Variants in SNX29 observed in about 807,000 individuals in gnomAD.
The protein encoded by SNX29 is sorting nexin-29.
In SNX29, 78 loss-of-function variants were observed where a neutral mutation model predicts 102.1. The ratio of observed to expected loss-of-function variants is 0.76; its 90% confidence interval spans 0.64 to 0.92. The LOEUF is 0.92. Ranked by LOEUF, SNX29 falls within the 40% of genes least tolerant of loss-of-function variation. The pLI is 0.00. For missense variants in SNX29, 1,280 were observed against 1,061.7 expected, an observed-to-expected ratio of 1.21 and a Z score of -2.86; for synonymous variants, 580 against 414.5, an observed-to-expected ratio of 1.40 and a Z score of -4.85.
chr16:12,268,050 G>C (rs781591424), intron 14 of SNX29, among the ~76,000 whole-genome samples: 20 of 152,168 alleles, frequency 1.3e-4, no homozygotes, highest in Non-Finnish European at 1.9e-4. Flanking sequence ...CTGCAGGGCT[G>C]TGCGGAGCTC....
At chr16:12,299,708 C>T (rs915964979) in intron 15 of SNX29, among the ~76,000 whole-genome samples, 1 of 151,822 alleles carries the variant, frequency 6.6e-6, no homozygotes, top group African/African-American at 2.4e-5. Flanking sequence ...CCTCCCTTTC[C>T]CCCACCCCAT....
intron 20 of SNX29, among the ~76,000 whole-genome samples, chr16:12,535,156 T>A (rs1378971340): frequency 6.6e-6 from 1 of 152,220 alleles, no homozygotes; most frequent in African/African-American, 2.4e-5. Context: ...TTCATTTCTT[T>A]GAGACAGAGT....
At chr16:12,361,210 T>C (rs1338000764) in intron 16 of SNX29, among the ~76,000 whole-genome samples, 8 of 152,204 alleles carry the variant, frequency 5.3e-5, no homozygotes, top group Admixed American at 2.0e-4. Flanking sequence ...CCAGCCTCTC[T>C]GTTGTCCCTG....
chr16:12,175,236 G>C (rs2076233657), intron 13 of SNX29, among the ~76,000 whole-genome samples: 1 of 152,156 alleles, frequency 6.6e-6, no homozygotes, highest in African/African-American at 2.4e-5. Context: ...CTTGGTCATG[G>C]AGTGAATTAT....
intron 18 of SNX29, among the ~76,000 whole-genome samples, chr16:12,437,050 C>A (rs1397751752): frequency 6.6e-6 from 1 of 152,210 alleles, no homozygotes; most frequent in African/African-American, 2.4e-5. Context: ...AGTAGCAAAC[C>A]TGAGATTCTG....
At position 12,450,123 on chromosome 16, in the gene SNX29, G is replaced by A. The variant is rs545281746; in HGVS notation, c.2038-27596G>A. Among the ~76,000 whole-genome samples the A allele has an allele frequency of 2.0e-5, 3 of 152,278 alleles. No homozygotes were observed. The South Asian group carries it at 6.2e-4, about 32-fold the overall frequency. ...TAAGAGGTGGCTTTGCTCTTCCTTT[G>A]TCTTCTGCCATGATTCTGAGGCCTC... On this transcript the variant is annotated intron_variant, in intron 18 of 20. Transcript: ENST00000566228.
chr16:12,317,302 G>C (rs949047793), intron 15 of SNX29, among the ~76,000 whole-genome samples: 10 of 152,208 alleles, frequency 6.6e-5, no homozygotes, highest in Admixed American at 5.9e-4. Context: ...AGATGCGCAG[G>C]ACTCAGTCTG....
rs529869065 is a variant in SNX29 at position 12,201,272 on chromosome 16, A to G, written c.1678+1589A>G. The stretch of plus-strand genomic sequence containing the variant: ...CATCTCATTATACAGAATTATTTAT[A>G]TGTTGGTCTCCCAAGTTTTTACATC... On this transcript the variant is annotated intron_variant, in intron 14 of 20. Transcript: ENST00000566228. Among the ~76,000 whole-genome samples the G allele has an allele frequency of 5.3e-5, 8 of 152,272 alleles. No individual in the cohort carries two copies. The South Asian group carries it at 1.7e-3, about 32-fold the overall frequency.
At chr16:12,221,590 G>A (rs2077479323) in intron 14 of SNX29, among the ~76,000 whole-genome samples, 1 of 152,168 alleles carries the variant, frequency 6.6e-6, no homozygotes, top group South Asian at 2.1e-4. Flanking sequence ...CACCAGCCTG[G>A]GCAACAGAGC....
chr16:12,257,299 T>C (rs999828075), intron 14 of SNX29, among the ~76,000 whole-genome samples: 32 of 152,284 alleles, frequency 2.1e-4, no homozygotes, highest in African/African-American at 6.5e-4. Context: ...ATCCCTCTCT[T>C]CTGCTTTCGA....
chr16:12,553,180 C>G (rs1432088279), intron 20 of SNX29, among the ~76,000 whole-genome samples: 1 of 152,166 alleles, frequency 6.6e-6, no homozygotes, highest in Non-Finnish European at 1.5e-5. Flanking sequence ...ATCTTTAAGT[C>G]AGTATACAGC....
In SNX29 at chr16:12,042,867, G is replaced by A. The variant is rs757780707; in HGVS notation, c.248-30G>A. The A allele has an allele frequency of 1.7e-5, 27 of 1,579,802 alleles. No individual in the cohort carries two copies. The South Asian group carries it at 2.4e-4, about 14-fold the overall frequency. On this transcript the variant is annotated intron_variant, in intron 4 of 20. Transcript: ENST00000566228. ...CCCAGTGCTGAGTGCCCCAGGCCGA[G>A]TGCCAGGCGCCTGTGCCCTCTCTCC...
intron 1 of SNX29, among the ~76,000 whole-genome samples, chr16:11,984,066 G>C: frequency 6.6e-6 from 1 of 152,294 alleles, no homozygotes; most frequent in South Asian, 2.1e-4. Flanking sequence ...GAATGAAAAA[G>C]ATTGAGCTGG....
chr16:12,310,777 C>T (rs1285221104), intron 15 of SNX29, among the ~76,000 whole-genome samples: 1 of 152,096 alleles, frequency 6.6e-6, no homozygotes, highest in Non-Finnish European at 1.5e-5. Context: ...ACTCTGCTGT[C>T]TGCTGGTTAA....
chr16:12,120,314 G>C (rs1641855), intron 11 of SNX29, among the ~76,000 whole-genome samples: 102,954 of 152,104 alleles, frequency 0.68, 35,908 homozygotes, highest in East Asian at 0.91. Flanking sequence ...AGTATGGGCC[G>C]CAGGGGAGTG....
intron 2 of SNX29, among the ~76,000 whole-genome samples, chr16:12,001,337 T>C (rs953585200): frequency 1.3e-5 from 2 of 152,136 alleles, no homozygotes; most frequent in Admixed American, 6.6e-5. Context: ...GGTCTCGAAC[T>C]CCTGACCTCG....
At chr16:12,450,723 A>G (rs1357141603) in intron 18 of SNX29, among the ~76,000 whole-genome samples, 1 of 152,208 alleles carries the variant, frequency 6.6e-6, no homozygotes, top group Non-Finnish European at 1.5e-5. Flanking sequence ...GAGCTTGGGC[A>G]TTGACCCAGA....
In SNX29 at chr16:12,355,843, TAAAAAAAAAAAAAAAA is replaced by T. The variant is rs56358290; in HGVS notation, c.1783-302_1783-287del. On this transcript the variant is annotated intron_variant, in intron 15 of 20. Transcript: ENST00000566228. ...TGACCTTGACAGAGCGAGATCTTATTAAAAAAAAAAAAAAAAAAAAAAAAAAAAAAAAAGAGAGAGG... is the reference window on the plus strand; with the variant it reads ...TGACCTTGACAGAGCGAGATCTTATTAAAAAAAAAAAAAAAAAGAGAGAGG... Among the ~76,000 whole-genome samples the T allele has an allele frequency of 4.8e-4, 41 of 85,576 alleles. No individual in the cohort carries two copies. The South Asian group carries it at 0.012, about 25-fold the overall frequency. 56.1% of individuals were successfully genotyped at this position (85,576 alleles called of 152,430 possible). A position where few individuals can be genotyped will look rare whatever the true frequency, so the allele number is the denominator to read the frequency against.
intron 13 of SNX29, among the ~76,000 whole-genome samples, chr16:12,183,039 T>G (rs1020273472): frequency 2.0e-5 from 3 of 152,092 alleles, no homozygotes; most frequent in Non-Finnish European, 2.9e-5. Flanking sequence ...GGTCTCACTT[T>G]GTCACCCAGG....
Sources: allele counts gnomAD v4.1 joint callset (sites outside exome capture counted in the v4.1 genomes callset), GRCh38; gene constraint gnomAD v4.1.1; transcripts MANE v1.5; gene names NCBI Gene and HGNC (gene_info 2026-07-23, HGNC 2026-07-21).